The following AHCYL2 variants were observed in gnomAD, a reference collection of about 807,000 sequenced individuals.
AHCYL2 encodes the protein adenosylhomocysteinase like 2, also known as S-adenosylhomocysteine hydrolase-like protein 2.
AHCYL2 carries 28 observed loss-of-function variants against 81.4 expected under a neutral mutation model. The ratio of observed to expected loss-of-function variants is 0.34; its 90% confidence interval spans 0.25 to 0.47. The LOEUF (loss-of-function observed/expected upper bound fraction) is 0.47. AHCYL2 is among the 20% of genes least tolerant of loss of function. AHCYL2 has a pLI of 1.00. For missense variants in AHCYL2, 551 were observed against 785.1 expected, an observed-to-expected ratio of 0.70 and a Z score of 3.56; for synonymous variants, 272 against 290.2, an observed-to-expected ratio of 0.94 and a Z score of 0.64.
intron 1 of AHCYL2, among the ~76,000 whole-genome samples, chr7:129,260,122 A>G (rs1035528706): frequency 6.6e-6 from 1 of 150,972 alleles, no homozygotes; most frequent in Non-Finnish European, 1.5e-5. Flanking sequence ...CTGATTTTTA[A>G]GGTAATGTGC....
intron 1 of AHCYL2, among the ~76,000 whole-genome samples, chr7:129,254,958 A>C (rs73721600): frequency 3.4e-3 from 516 of 152,248 alleles, no homozygotes; most frequent in African/African-American, 0.012. Flanking sequence ...TAAAGAATTA[A>C]ATTTTCTAAT....
chr7:129,413,987 T>C (rs1796721180), intron 12 of AHCYL2, among the ~76,000 whole-genome samples: 1 of 152,220 alleles, frequency 6.6e-6, no homozygotes, highest in Non-Finnish European at 1.5e-5. Context: ...CTACAATGAA[T>C]GATAGAAACT....
intron 13 of AHCYL2, among the ~76,000 whole-genome samples, chr7:129,423,849 C>T (rs1258883311): frequency 2.0e-5 from 3 of 152,060 alleles, no homozygotes; most frequent in African/African-American, 7.2e-5. Context: ...TGTAAAGGGA[C>T]TGAACTATTT....
At chr7:129,314,867 C>T (rs1463666007) in intron 1 of AHCYL2, among the ~76,000 whole-genome samples, 2 of 152,144 alleles carry the variant, frequency 1.3e-5, no homozygotes, top group Non-Finnish European at 2.9e-5. Flanking sequence ...GTACAGAGTA[C>T]ATTTTACTAA....
At position 129,315,146 on chromosome 7, in the gene AHCYL2, AC is replaced by A. The variant is rs199956629; in HGVS notation, c.364-64490del. Among the ~76,000 whole-genome samples the A allele has an allele frequency of 7.5e-3, 1,146 of 152,240 alleles. 12 individuals are homozygous for A. The highest frequency in any genetic ancestry group is 0.026 in the African/African-American group (1,069 of 41,538). ...TCTTACCTGGACTATTGCAGCTGAC[AC>A]CTGACAGTCTTGCTTTTGTCCCTCC... On this transcript the variant is annotated intron_variant, in intron 1 of 16. Coordinates refer to ENST00000325006, the MANE Select transcript of AHCYL2 (RefSeq NM_015328.4).
intron 1 of AHCYL2, among the ~76,000 whole-genome samples, chr7:129,307,482 G>A (rs1797483482): frequency 1.3e-5 from 2 of 151,904 alleles, no homozygotes; most frequent in South Asian, 4.2e-4. Context: ...GCCAGGCCTA[G>A]AACTCACCCT....
chr7:129,315,482 G>T (rs1352712217), intron 1 of AHCYL2, among the ~76,000 whole-genome samples: 1 of 152,138 alleles, frequency 6.6e-6, no homozygotes, highest in African/African-American at 2.4e-5. Flanking sequence ...TGATTGAAAT[G>T]TCCTCCTCCT....
At chr7:129,347,235 CAT>C (rs1282247884) in intron 1 of AHCYL2, among the ~76,000 whole-genome samples, 1 of 152,074 alleles carries the variant, frequency 6.6e-6, no homozygotes, top group Admixed American at 6.6e-5. Context: ...TGTCTAAACT[CAT>C]AGAATGTATA....
chr7:129,372,355 G>C (rs1794450381), intron 1 of AHCYL2, among the ~76,000 whole-genome samples: 1 of 152,114 alleles, frequency 6.6e-6, no homozygotes, highest in African/African-American at 2.4e-5. Context: ...GAATTAATTG[G>C]TTTCTCTTGG....
At position 129,225,110 on chromosome 7, in the gene AHCYL2, G is replaced by T; in HGVS notation, c.34G>T (p.Ala12Ser). ...SVQVVSAAAA[A>S]KVPEVELKDL... ...GCAGGTTGTGTCAGCCGCGGCTGCCGCCAAGGTGCCTGAGGTGGAGCTGAA... is the reference window on the plus strand; with the variant it reads ...GCAGGTTGTGTCAGCCGCGGCTGCCTCCAAGGTGCCTGAGGTGGAGCTGAA... Residue 12 changes from alanine (A) to serine (S), a missense_variant, in exon 1 of 17, where the codon GCC becomes TCC. By Grantham distance (99) the Ala-to-Ser change is moderately conservative. Around this residue, in one of 2 missense-constraint regions of AHCYL2, gnomAD observed 235 missense variants for 242.1 expected, o/e 0.97. Coordinates refer to ENST00000325006, the MANE Select transcript of AHCYL2 (RefSeq NM_015328.4). The T allele has an allele frequency of 1.2e-6, 2 of 1,600,136 alleles. No homozygotes were observed. Among genetic ancestry groups the T allele is most frequent in the South Asian group, 2.3e-5 (2 of 88,852 alleles).
chr7:129,384,872 A>C (rs926479786), intron 2 of AHCYL2, among the ~76,000 whole-genome samples: 11 of 152,240 alleles, frequency 7.2e-5, no homozygotes, highest in African/African-American at 2.7e-4. Flanking sequence ...ATTAGGACTT[A>C]ATTTCTAGCA....
chr7:129,379,802 C>T, intron 2 of AHCYL2, 53 bp downstream of exon 2: 1 of 1,385,056 alleles, frequency 7.2e-7, no homozygotes, highest in South Asian at 1.2e-5. Flanking sequence ...AGTACGATCT[C>T]AATGGGCCCT....
chr7:129,429,148 A>C lies in AHCYL2; in HGVS notation c.*2103A>C, dbSNP rs1388233416. On this transcript the variant is annotated 3_prime_UTR_variant, in exon 17 of 17. Coordinates refer to ENST00000325006, the MANE Select transcript of AHCYL2 (RefSeq NM_015328.4). ...CATTCTGCCTTGCTGTAGTGAAGAG[A>C]CCCACTCCAAATAAAAAAGGGGCCA... 1 of 152,102 alleles carries C rather than the reference A, an allele frequency of 6.6e-6. No individual in the cohort carries two copies. The highest frequency in any genetic ancestry group is 1.5e-5 in the Non-Finnish European group (1 of 68,024). The allele number at this position is 152,102 out of a possible 1,614,324, so 9.4% of individuals were successfully genotyped here.
intron 1 of AHCYL2, among the ~76,000 whole-genome samples, chr7:129,309,115 C>A (rs1258118644): frequency 6.6e-6 from 1 of 152,060 alleles, no homozygotes; most frequent in East Asian, 1.9e-4. Flanking sequence ...ACCTGTAATC[C>A]CAGCTACTTG....
intron 12 of AHCYL2, among the ~76,000 whole-genome samples, chr7:129,415,504 C>T (rs1334760173): frequency 6.6e-6 from 1 of 152,108 alleles, no homozygotes; most frequent in Non-Finnish European, 1.5e-5. Context: ...ACTACCTTGT[C>T]AGGCATATAA....
chr7:129,260,367 G>A (rs1484725597), intron 1 of AHCYL2, among the ~76,000 whole-genome samples: 2 of 152,160 alleles, frequency 1.3e-5, no homozygotes, highest in Non-Finnish European at 2.9e-5. Context: ...AATATAAAAT[G>A]TATACAAGTG....
intron 1 of AHCYL2, among the ~76,000 whole-genome samples, chr7:129,364,026 C>T (rs1054874385): frequency 6.6e-6 from 1 of 151,802 alleles, no homozygotes; most frequent in African/African-American, 2.4e-5. Flanking sequence ...AGGTGAACTC[C>T]TGGGAGTTCA....
rs527680186 is a variant in AHCYL2 at position 129,325,189 on chromosome 7, T to C, written c.364-54449T>C. Among the ~76,000 whole-genome samples, 13 of 152,332 alleles carry C rather than the reference T, an allele frequency of 8.5e-5. No homozygotes were observed. The South Asian group carries it at 2.5e-3, about 29-fold the overall frequency. ...CTTGTGCCTGAGGGACTTCCTTTAA[T>C]GTTTCTTGTACTGCAAGCCTGGTAG... On this transcript the variant is annotated intron_variant, in intron 1 of 16. Transcript: ENST00000325006.
chr7:129,238,207 T>C (rs1049363396), intron 1 of AHCYL2, among the ~76,000 whole-genome samples: 9 of 152,198 alleles, frequency 5.9e-5, no homozygotes, highest in Non-Finnish European at 1.3e-4. Flanking sequence ...AAAGCTTTAT[T>C]GGATATACAG....
Sources: gnomAD v4.1 joint callset for allele counts (sites outside exome capture counted in the v4.1 genomes callset) on GRCh38, gnomAD v4.1.1 for gene constraint, gnomAD v4.1.1 regional missense constraint, MANE v1.5 for transcripts, NCBI Gene and HGNC (gene_info 2026-07-23, HGNC 2026-07-21) for gene names.